CHST9: variants seen among roughly 807,000 people sequenced by gnomAD.
CHST9 encodes GalNAc-4-sulfotransferase 2.
Under a neutral mutation model 44.4 loss-of-function variants are expected in CHST9, and 41 were observed. That is an observed-to-expected ratio of 0.92 (90% CI 0.72 to 1.20). CHST9 has a LOEUF of 1.20. CHST9 is among the 50% of genes most tolerant of loss of function. The pLI is 0.00. For synonymous variants in CHST9, 171 were observed against 178.4 expected (o/e 0.96, Z 0.33); for missense variants, 504 against 516.5 (o/e 0.98, Z 0.23).
rs963213924 is a variant in CHST9 at position 27,184,126 on chromosome 18, A to G, written c.-97+1010T>C. Among the ~76,000 whole-genome samples the G allele has an allele frequency of 2.0e-5, 3 of 152,214 alleles. No individual in the cohort carries two copies. The South Asian group carries it at 6.2e-4, about 32-fold the overall frequency. On this transcript the variant is annotated intron_variant, in intron 1 of 5. Transcript: ENST00000618847. ...AAACTGCGAAAAGGGAGTCCTGTTA[A>G]GCATCCACGGCGTTTTGATTTGGAT...
At chr18:26,955,663 G>T (rs1440211915) in intron 4 of CHST9, among the ~76,000 whole-genome samples, 1 of 152,126 alleles carries the variant, frequency 6.6e-6, no homozygotes, top group Non-Finnish European at 1.5e-5. Flanking sequence ...TTGGCAAAAG[G>T]TCAGAGGGAG....
chr18:26,998,491 T>A (rs2056911007), intron 4 of CHST9, among the ~76,000 whole-genome samples: 1 of 152,062 alleles, frequency 6.6e-6, no homozygotes, highest in Non-Finnish European at 1.5e-5. Context: ...TTTGGGAGGC[T>A]GAGGTGGGAG....
chr18:27,040,116 G>GC (rs1324672079), intron 3 of CHST9, among the ~76,000 whole-genome samples: 1 of 152,086 alleles, frequency 6.6e-6, no homozygotes, highest in Non-Finnish European at 1.5e-5. Flanking sequence ...TAATAACTAG[G>GC]CCATAGTAAA....
intron 1 of CHST9, among the ~76,000 whole-genome samples, chr18:27,162,627 CT>C (rs2058756866): frequency 6.6e-6 from 1 of 152,184 alleles, no homozygotes; most frequent in Admixed American, 6.5e-5. Flanking sequence ...GTGGCGTTCT[CT>C]GTATTTCCTG....
chr18:26,989,635 G>A (rs1025300628), intron 4 of CHST9, among the ~76,000 whole-genome samples: 2 of 152,162 alleles, frequency 1.3e-5, no homozygotes, highest in African/African-American at 4.8e-5. Context: ...GTTCATAGTG[G>A]CATTATTTGT....
intron 4 of CHST9, among the ~76,000 whole-genome samples, chr18:26,962,293 C>T (rs1320718205): frequency 3.6e-5 from 5 of 140,748 alleles, no homozygotes; most frequent in African/African-American, 1.3e-4. Context: ...TTATAGTCTC[C>T]TTTTTTTTTT....
intron 3 of CHST9, among the ~76,000 whole-genome samples, chr18:27,026,341 T>A (rs534573077): frequency 1.3e-5 from 2 of 152,204 alleles, no homozygotes; most frequent in African/African-American, 2.4e-5. Context: ...GATGATCCAG[T>A]CTGGTTCCTC....
At chr18:27,078,961 A>G (rs891949340) in intron 2 of CHST9, among the ~76,000 whole-genome samples, 5 of 152,198 alleles carry the variant, frequency 3.3e-5, no homozygotes, top group African/African-American at 1.2e-4. Flanking sequence ...ATTAGCAGTC[A>G]TTTATGGTTA....
intron 4 of CHST9, among the ~76,000 whole-genome samples, chr18:26,989,505 T>C (rs780719798): frequency 1.1e-4 from 17 of 152,224 alleles, no homozygotes; most frequent in Non-Finnish European, 8.8e-5. Context: ...GCAACCATTC[T>C]GGAAAATAGC....
intron 2 of CHST9, among the ~76,000 whole-genome samples, chr18:27,131,398 A>G (rs1356369988): frequency 1.3e-5 from 2 of 151,146 alleles, no homozygotes; most frequent in African/African-American, 4.9e-5. Context: ...AAAAATACAG[A>G]AAATTAGCTG....
chr18:27,166,327 C>G (rs1238269830), intron 1 of CHST9, among the ~76,000 whole-genome samples: 1 of 152,182 alleles, frequency 6.6e-6, no homozygotes, highest in African/African-American at 2.4e-5. Flanking sequence ...CTGTTGACCA[C>G]CTCGTTAATT....
intron 2 of CHST9, among the ~76,000 whole-genome samples, chr18:27,107,282 T>G (rs1421762501): frequency 6.6e-6 from 1 of 152,176 alleles, no homozygotes; most frequent in Non-Finnish European, 1.5e-5. Flanking sequence ...GGGACTTATT[T>G]TAGGAAAATA....
chr18:26,965,974 T>C (rs373941173), intron 4 of CHST9, among the ~76,000 whole-genome samples: 30 of 152,196 alleles, frequency 2.0e-4, no homozygotes, highest in African/African-American at 7.0e-4. Context: ...TAAAACAGAA[T>C]AGACATAATA....
intron 2 of CHST9, among the ~76,000 whole-genome samples, chr18:27,076,931 G>A (rs571761309): frequency 6.6e-6 from 1 of 152,304 alleles, no homozygotes; most frequent in South Asian, 2.1e-4. Context: ...TTAGAGAGGT[G>A]ATCTGTCAAA....
chr18:27,018,940 C>G (rs1292781973), intron 4 of CHST9, among the ~76,000 whole-genome samples: 4 of 152,204 alleles, frequency 2.6e-5, no homozygotes, highest in African/African-American at 9.7e-5. Context: ...GATTCTAACA[C>G]CATAGCACCT....
At chr18:27,136,229 T>C (rs1405303173) in intron 2 of CHST9, among the ~76,000 whole-genome samples, 1 of 152,138 alleles carries the variant, frequency 6.6e-6, no homozygotes, top group Admixed American at 6.5e-5. Context: ...CCATAGTTTA[T>C]CCAGAGCAAT....
intron 1 of CHST9, among the ~76,000 whole-genome samples, chr18:27,169,919 T>A (rs983654705): frequency 1.3e-5 from 2 of 152,148 alleles, no homozygotes. Context: ...AAAATATATA[T>A]TCTTTTAAGC....
intron 4 of CHST9, among the ~76,000 whole-genome samples, chr18:26,951,700 T>A (rs1052351281): frequency 2.0e-5 from 3 of 152,236 alleles, no homozygotes; most frequent in East Asian, 3.8e-4. Context: ...TTTGTTTTAA[T>A]AAATAAAGCA....
chr18:27,031,342 T>G lies in CHST9; in HGVS notation c.161-7185A>C, dbSNP rs182807323. Reference sequence around the variant, plus strand: ...TGAACTTGCACAAGTGTCTATTATATGGACACTTCTTCCTGCCATTCCGGC... The same window carrying G: ...TGAACTTGCACAAGTGTCTATTATAGGGACACTTCTTCCTGCCATTCCGGC... On this transcript the variant is annotated intron_variant, in intron 3 of 5. Transcript: ENST00000618847. Among the ~76,000 whole-genome samples, 1,436 of 152,312 alleles carry G rather than the reference T, an allele frequency of 9.4e-3. 95 individuals are homozygous for G. The highest frequency in any genetic ancestry group is 0.086 in the Admixed American group (1,319 of 15,300).
Sources: allele counts gnomAD v4.1 joint callset (sites outside exome capture counted in the v4.1 genomes callset), GRCh38; gene constraint gnomAD v4.1.1; transcripts MANE v1.5; gene names NCBI Gene and HGNC (gene_info 2026-07-23, HGNC 2026-07-21).